RASSF6: variants seen among roughly 807,000 people sequenced by gnomAD.
The protein encoded by RASSF6 is ras association domain-containing protein 6.
In RASSF6, 52 loss-of-function variants were observed where a neutral mutation model predicts 44.0. That is an observed-to-expected ratio of 1.18 (90% CI 0.95 to 1.49). The LOEUF (loss-of-function observed/expected upper bound fraction) is 1.49, where lower values mean the gene tolerates loss of function less well. RASSF6 is among the 40% of genes most tolerant of loss of function. The probability of loss-of-function intolerance (pLI) is 0.00; values close to 1 mark genes in which losing one functional copy is unlikely to be tolerated. For synonymous variants in RASSF6, 162 were observed against 124.6 expected (o/e 1.30, Z -2.00); for missense variants, 464 against 393.3 (o/e 1.18, Z -1.52).
intron 4 of RASSF6, among the ~76,000 whole-genome samples, chr4:73,591,220 T>C (rs1023148107): frequency 3.3e-5 from 5 of 152,192 alleles, no homozygotes; most frequent in African/African-American, 1.2e-4. Flanking sequence ...TTCTGCAATG[T>C]ACATATGCAT....
At chr4:73,576,975 A>G (rs1723278237) in intron 8 of RASSF6, among the ~76,000 whole-genome samples, 2 of 152,214 alleles carry the variant, frequency 1.3e-5, no homozygotes, top group Non-Finnish European at 2.9e-5. Context: ...GAGTGTTCAA[A>G]CAAATCTCCG....
At chr4:73,598,431 T>G (rs1399915178) in intron 3 of RASSF6, among the ~76,000 whole-genome samples, 1 of 152,222 alleles carries the variant, frequency 6.6e-6, no homozygotes, top group Admixed American at 6.5e-5. Context: ...ATTCTATTTT[T>G]AAAATAGAAA....
chr4:73,607,184 C>G (rs141876410), intron 2 of RASSF6, among the ~76,000 whole-genome samples: 1 of 152,356 alleles, frequency 6.6e-6, no homozygotes, highest in African/African-American at 2.4e-5. Context: ...ATATCATCTG[C>G]TTTGTTAACA....
chr4:73,577,114 G>A (rs765106609), intron 8 of RASSF6, among the ~76,000 whole-genome samples: 6 of 151,988 alleles, frequency 3.9e-5, no homozygotes, highest in African/African-American at 9.7e-5. Context: ...CCATCTTTCT[G>A]GTTCTTCAGG....
At chr4:73,588,698 T>C (rs1724290230) in intron 4 of RASSF6, among the ~76,000 whole-genome samples, 1 of 151,964 alleles carries the variant, frequency 6.6e-6, no homozygotes, top group African/African-American at 2.4e-5. Flanking sequence ...AGAGTTAATT[T>C]GTATAAAATT....
intron 1 of RASSF6, among the ~76,000 whole-genome samples, chr4:73,616,775 G>A (rs1726391477): frequency 6.6e-6 from 1 of 152,174 alleles, no homozygotes; most frequent in South Asian, 2.1e-4. Context: ...CACACGGAGA[G>A]TCTTTTTAAT....
chr4:73,591,715 C>T (rs1724575538), intron 4 of RASSF6, among the ~76,000 whole-genome samples: 2 of 152,014 alleles, frequency 1.3e-5, no homozygotes, highest in African/African-American at 4.8e-5. Flanking sequence ...CAATCCTTAG[C>T]TTGGATGGGA....
chr4:73,612,813 A>G (rs1253592377), intron 1 of RASSF6, among the ~76,000 whole-genome samples: 2 of 152,126 alleles, frequency 1.3e-5, no homozygotes, highest in African/African-American at 4.8e-5. Context: ...CCATCTTGGT[A>G]TCTTTCTTAA....
At chr4:73,619,529 A>C (rs1463340114) in intron 1 of RASSF6, among the ~76,000 whole-genome samples, 1 of 152,294 alleles carries the variant, frequency 6.6e-6, no homozygotes. Context: ...AGTAGGTATC[A>C]CTTACAGAAC....
chr4:73,618,337 T>C (rs528804867), intron 1 of RASSF6, among the ~76,000 whole-genome samples: 4 of 25,132 alleles, frequency 1.6e-4, no homozygotes, highest in African/African-American at 2.6e-4. Context: ...AGATTTTAAC[T>C]AGAAAGACTT....
intron 2 of RASSF6, among the ~76,000 whole-genome samples, chr4:73,600,385 T>TA (rs796771466): frequency 0.016 from 2,228 of 141,924 alleles, 26 homozygotes; most frequent in African/African-American, 0.033. Flanking sequence ...AGCGGTTTTA[T>TA]AAAAAAAAAA....
chr4:73,581,700 C>G (rs1247669), intron 8 of RASSF6, 117 bp downstream of exon 8: 79,635 of 624,816 alleles, frequency 0.13, 5,839 homozygotes, highest in African/African-American at 0.22. Context: ...TTCCTTTTCT[C>G]CTACCCATTC....
At chr4:73,584,854 G>A (rs1183058593) in intron 6 of RASSF6, among the ~76,000 whole-genome samples, 2 of 152,036 alleles carry the variant, frequency 1.3e-5, no homozygotes, top group Non-Finnish European at 2.9e-5. Flanking sequence ...ACAAAGCTGG[G>A]TTCAGGTTGA....
chr4:73,611,913 G>A (rs1235783491), intron 1 of RASSF6, 84 bp from the exon 2 acceptor site: 4 of 897,504 alleles, frequency 4.5e-6, no homozygotes, highest in South Asian at 3.3e-5. Context: ...GTTTTGTTGT[G>A]TCTCTAGAGT....
Position 73,575,215 on chromosome 4 carries a change from A to G in RASSF6, c.*1020T>C, listed in dbSNP as rs994500302. On this transcript the variant is annotated 3_prime_UTR_variant, in exon 11 of 11. Coordinates refer to ENST00000307439, the MANE Select transcript of RASSF6 (RefSeq NM_177532.5). ...GCAAATGGAATTAGTTTACAGAATGAAAGAATGTTGCATATAATTCCATTT... is the reference window on the plus strand; with the variant it reads ...GCAAATGGAATTAGTTTACAGAATGGAAGAATGTTGCATATAATTCCATTT... 1 of 152,238 alleles carries G rather than the reference A, an allele frequency of 6.6e-6. No homozygotes were observed. Among genetic ancestry groups the G allele is most frequent in the Non-Finnish European group, 1.5e-5 (1 of 68,030 alleles). The allele number at this position is 152,238 out of a possible 1,614,324, so 9.4% of individuals were successfully genotyped here. A position where few individuals can be genotyped will look rare whatever the true frequency, so the allele number is the denominator to read the frequency against.
chr4:73,587,903 A>G lies in RASSF6; in HGVS notation c.319T>C (p.Tyr107His), dbSNP rs745742979. 3 of 1,609,986 alleles carry G rather than the reference A, an allele frequency of 1.9e-6. No homozygotes were observed. Among genetic ancestry groups the G allele is most frequent in the Non-Finnish European group, 2.5e-6 (3 of 1,177,044 alleles). Residue 107 changes from tyrosine to histidine, a missense_variant, in exon 5 of 11, where the codon TAT becomes CAT. Tyr to His is a moderately conservative substitution (Grantham distance 83). Transcript: ENST00000307439. ...MTRWGEFDDL[Y>H]RISELDRTQI... ...GTCCTGTCCAGCTCACTAATACGAT[A>G]GAGATCGTCAAATTCCCCCCAGCGT... is the stretch of plus-strand genomic sequence containing the variant.
Position 73,576,403 on chromosome 4 carries a change from GAC to G in RASSF6, c.938+5_938+6del. The G allele has an allele frequency of 6.5e-7, 1 of 1,533,002 alleles. No homozygotes were observed. The highest frequency in any genetic ancestry group is 2.3e-5 in the East Asian group (1 of 44,282). The allele number at this position is 1,533,002 out of a possible 1,614,324, so 95.0% of individuals were successfully genotyped here. On this transcript the variant is annotated splice_donor_5th_base_variant and intron_variant, in intron 10 of 10. Transcript: ENST00000307439. Reference sequence around the variant, plus strand: ...CGGAGTATCCAATGTGCATGCTCTTGACTTACTTTGTTACTATTCTTTGAATC... The same window carrying G: ...CGGAGTATCCAATGTGCATGCTCTTGTTACTTTGTTACTATTCTTTGAATC...
chr4:73,593,409 A>C (rs1186146559), intron 4 of RASSF6, 42 bp downstream of exon 4: 1 of 1,567,546 alleles, frequency 6.4e-7, no homozygotes. Flanking sequence ...CTAGATATGA[A>C]GATCATCTTC....
At chr4:73,610,319 C>T (rs1725919111) in intron 2 of RASSF6, among the ~76,000 whole-genome samples, 1 of 152,206 alleles carries the variant, frequency 6.6e-6, no homozygotes, top group Admixed American at 6.5e-5. Flanking sequence ...ACCTTCATCT[C>T]CACCCTGGAC....
Sources: gnomAD v4.1 joint callset for allele counts (sites outside exome capture counted in the v4.1 genomes callset) on GRCh38, gnomAD v4.1.1 for gene constraint, MANE v1.5 for transcripts, NCBI Gene and HGNC (gene_info 2026-07-23, HGNC 2026-07-21) for gene names.